Variants in INO80 observed in about 807,000 individuals in gnomAD.
INO80 encodes chromatin-remodeling ATPase INO80.
Under a neutral mutation model 203.4 loss-of-function variants are expected in INO80, and 20 were observed. The observed-to-expected ratio is 0.10, with a 90% CI of 0.07 to 0.14. The LOEUF is 0.14. Ranked by LOEUF, INO80 falls within the 10% of genes least tolerant of loss-of-function variation. INO80 has a pLI of 1.00. For synonymous variants in INO80, 726 were observed against 685.2 expected, an observed-to-expected ratio of 1.06 and a Z score of -0.93; for missense variants, 1,419 against 1,914.4, an observed-to-expected ratio of 0.74 and a Z score of 4.83.
At chr15:41,058,934 C>A (rs569969191) in intron 15 of INO80, among the ~76,000 whole-genome samples, 153 bp from the exon 16 acceptor site, 15 of 151,960 alleles carry the variant, frequency 9.9e-5, no homozygotes, top group Non-Finnish European at 2.2e-4. Context: ...GTGAAGTGAA[C>A]CATACTGTGG....
chr15:41,004,914 G>T (rs2044015368), intron 28 of INO80: 1 of 152,120 alleles, frequency 6.6e-6, no homozygotes, highest in Non-Finnish European at 1.5e-5. Flanking sequence ...ACTGTTAGTG[G>T]CCGGGATCAC....
intron 7 of INO80, 56 bp from the exon 8 acceptor site, chr15:41,081,129 T>TTCTACATA: frequency 9.0e-7 from 1 of 1,116,668 alleles, no homozygotes; most frequent in Non-Finnish European, 1.4e-6. Context: ...ACTAAGACTA[T>TTCTACATA]GTAGAATGAA....
At chr15:41,090,583 GA>G (rs2045622554) in intron 5 of INO80, among the ~76,000 whole-genome samples, 1 of 151,928 alleles carries the variant, frequency 6.6e-6, no homozygotes, top group African/African-American at 2.4e-5. Context: ...CCAAAAAAAA[GA>G]AAAAAGGAAC....
At chr15:40,997,704 A>G in intron 28 of INO80, 103 bp from the exon 29 acceptor site, 1 of 765,944 alleles carries the variant, frequency 1.3e-6, no homozygotes, top group Non-Finnish European at 2.3e-6. Flanking sequence ...GTCTAGGACT[A>G]AAAAGAGTTT....
At chr15:41,008,351 G>A (rs981602112) in intron 27 of INO80, among the ~76,000 whole-genome samples, 2 of 152,008 alleles carry the variant, frequency 1.3e-5, no homozygotes, top group Non-Finnish European at 2.9e-5. Context: ...ATACTGCATG[G>A]TTCAACTTAT....
Position 41,035,943 on chromosome 15 carries a change from A to G in INO80, c.2908-8207T>C, listed in dbSNP as rs1235027991. On this transcript the variant is annotated intron_variant, in intron 24 of 35. Transcript: ENST00000648947. Reference sequence around the variant, plus strand: ...CAGGAGTTTGAGACCAGTCTGGTCAACATGGTGAAACCCCATCTCTGCTTT... The same window carrying G: ...CAGGAGTTTGAGACCAGTCTGGTCAGCATGGTGAAACCCCATCTCTGCTTT... 5.3e-5 allele frequency among the ~76,000 whole-genome samples: 8 copies of G among 151,258 alleles called. No individual in the cohort carries two copies. The South Asian group carries it at 8.4e-4, about 16-fold the overall frequency.
chr15:40,996,682 T>C (rs145875519), intron 29 of INO80, among the ~76,000 whole-genome samples: 2 of 152,238 alleles, frequency 1.3e-5, no homozygotes. Flanking sequence ...GAAGACTGGG[T>C]AGGAAAGAGT....
At chr15:41,040,217 A>G (rs1057325020) in intron 24 of INO80, among the ~76,000 whole-genome samples, 5 of 152,212 alleles carry the variant, frequency 3.3e-5, no homozygotes, top group Admixed American at 3.3e-4. Flanking sequence ...ATAAAATAAA[A>G]TTTATATGCC....
chr15:41,044,221 G>A (rs1208061134), intron 24 of INO80, among the ~76,000 whole-genome samples: 2 of 152,204 alleles, frequency 1.3e-5, no homozygotes, highest in African/African-American at 2.4e-5. Flanking sequence ...AGAAAGGAGT[G>A]TTTGCATTCA....
intron 29 of INO80, among the ~76,000 whole-genome samples, chr15:40,993,596 T>C (rs1158020670): frequency 6.6e-6 from 1 of 151,704 alleles, no homozygotes; most frequent in African/African-American, 2.4e-5. Context: ...CCATCTCTAC[T>C]AAAAATATAA....
At chr15:41,050,237 C>T in intron 19 of INO80, 135 bp from the exon 20 acceptor site, 1 of 590,630 alleles carries the variant, frequency 1.7e-6, no homozygotes, top group South Asian at 2.4e-5. Flanking sequence ...TCTCTATAAA[C>T]CTGTGAATGT....
At chr15:40,993,777 T>TAAAAAGAAAAG (rs1555397685) in intron 29 of INO80, among the ~76,000 whole-genome samples, 1 of 151,288 alleles carries the variant, frequency 6.6e-6, no homozygotes, top group African/African-American at 2.4e-5. Context: ...AATAAATAAA[T>TAAAAAGAAAAG]AAAAAGAAAA....
chr15:41,065,941 T>G (rs1344246354), intron 14 of INO80, among the ~76,000 whole-genome samples: 1 of 151,670 alleles, frequency 6.6e-6, no homozygotes, highest in Non-Finnish European at 1.5e-5. Flanking sequence ...TAGACAGCAG[T>G]GATGGTTACA....
intron 32 of INO80, among the ~76,000 whole-genome samples, 179 bp downstream of exon 32, chr15:40,985,159 T>C (rs76948477): frequency 6.6e-6 from 1 of 152,256 alleles, no homozygotes; most frequent in East Asian, 1.9e-4. Flanking sequence ...AGTACAGATC[T>C]ACCAAGGCCA....
chr15:41,022,989 T>C (rs1434696585), intron 25 of INO80, among the ~76,000 whole-genome samples: 3 of 151,064 alleles, frequency 2.0e-5, no homozygotes, highest in Non-Finnish European at 2.9e-5. Context: ...TAATCCCAGA[T>C]AGTTGGGAGG....
chr15:41,100,529 G>C (rs1034427670), intron 1 of INO80, among the ~76,000 whole-genome samples: 3 of 152,126 alleles, frequency 2.0e-5, no homozygotes, highest in African/African-American at 7.2e-5. Context: ...CCTGTCAACT[G>C]ATTCATCCCA....
chr15:41,085,380 C>T lies in INO80; in HGVS notation c.862G>A (p.Glu288Lys), dbSNP rs2045545959. 1 of 1,613,984 alleles carries T rather than the reference C, an allele frequency of 6.2e-7. No individual in the cohort carries two copies. Among genetic ancestry groups the T allele is most frequent in the Non-Finnish European group, 8.5e-7 (1 of 1,179,986 alleles). ...RKVWLSIVKK[E>K]LPKANKQKAS... The stretch of plus-strand genomic sequence containing the variant: ...AGGCATTCACTTACCTTTGGTAGTT[C>T]CTTTTTCACAATGCTGAGCCATACT... Residue 288 changes from glutamate to lysine, a missense_variant, in exon 7 of 36, where the codon GAA becomes AAA. Around this residue, in one of 9 missense-constraint regions of INO80, gnomAD observed 87 missense variants for 150.5 expected, o/e 0.58. Coordinates refer to ENST00000648947, the MANE Select transcript of INO80 (RefSeq NM_017553.3).
chr15:41,085,433 A>G lies in INO80; in HGVS notation c.809T>C (p.Ile270Thr). 1 of 1,614,228 alleles carries G rather than the reference A, an allele frequency of 6.2e-7. No individual in the cohort carries two copies. The highest frequency in any genetic ancestry group is 8.5e-7 in the Non-Finnish European group (1 of 1,180,052). Residue 270 changes from isoleucine (I) to threonine (T), a missense_variant, in exon 7 of 36, where the codon ATT becomes ACT. Around this residue, in one of 9 missense-constraint regions of INO80, gnomAD observed 323 missense variants for 325.4 expected, o/e 0.99. Transcript: ENST00000648947. ...CCTGCGACGAGCATTCAGCTGCTCA[A>G]TGGATAAGTGCTTTTTCTTAGTGCC... ...PPGTKKKHLS[I>T]EQLNARRRKV... is the part of the protein sequence containing the mutation.
chr15:41,023,427 T>C (rs1036080800), intron 25 of INO80: 4 of 442,320 alleles, frequency 9.0e-6, no homozygotes, highest in African/African-American at 8.1e-5. Flanking sequence ...CAGTTCTATA[T>C]GTCTTGAACA....
Sources: gnomAD v4.1 joint callset for allele counts (sites outside exome capture counted in the v4.1 genomes callset) on GRCh38, gnomAD v4.1.1 for gene constraint, gnomAD v4.1.1 regional missense constraint, MANE v1.5 for transcripts, NCBI Gene and HGNC (gene_info 2026-07-23, HGNC 2026-07-21) for gene names.